Variants in CDH13 observed in about 807,000 individuals in gnomAD.
CDH13 encodes cadherin 13.
In CDH13, 24 loss-of-function variants were observed where a neutral mutation model predicts 63.8. That is an observed-to-expected ratio of 0.38 (90% CI 0.27 to 0.53). The LOEUF is 0.53. Ranked by LOEUF, CDH13 falls within the 20% of genes least tolerant of loss-of-function variation. The probability of loss-of-function intolerance (pLI) is 0.85; values close to 1 mark genes in which losing one functional copy is unlikely to be tolerated. For synonymous variants in CDH13, 503 were observed against 355.3 expected (o/e 1.42, Z -4.67); for missense variants, 1,049 against 903.1 (o/e 1.16, Z -2.07).
At chr16:83,725,070 C>G (rs1412746479) in intron 10 of CDH13, among the ~76,000 whole-genome samples, 4 of 152,146 alleles carry the variant, frequency 2.6e-5, no homozygotes, top group East Asian at 1.9e-4. Context: ...TAAACAGACC[C>G]TTTTAGTATA....
intron 2 of CDH13, among the ~76,000 whole-genome samples, chr16:82,936,318 G>C (rs2042666767): frequency 1.3e-5 from 2 of 152,160 alleles, no homozygotes; most frequent in South Asian, 2.1e-4. Context: ...CCATCTGCCT[G>C]TGTAATTTCT....
chr16:83,473,129 C>G (rs552484227), intron 6 of CDH13, among the ~76,000 whole-genome samples: 19 of 152,290 alleles, frequency 1.2e-4, no homozygotes, highest in Admixed American at 4.6e-4. Context: ...AATAGAGATC[C>G]TTCATCAAGT....
chr16:83,054,392 A>G (rs1198575276), intron 3 of CDH13, among the ~76,000 whole-genome samples: 1 of 152,220 alleles, frequency 6.6e-6, no homozygotes, highest in Non-Finnish European at 1.5e-5. Flanking sequence ...CATTAAGTAA[A>G]ATAAAGCTTA....
chr16:83,296,498 G>C (rs2089601051), intron 5 of CDH13, among the ~76,000 whole-genome samples: 1 of 152,146 alleles, frequency 6.6e-6, no homozygotes, highest in African/African-American at 2.4e-5. Flanking sequence ...TAAGACAGGA[G>C]ACTAGGAAAT....
At chr16:83,039,214 G>C (rs796081655) in intron 3 of CDH13, among the ~76,000 whole-genome samples, 2 of 152,136 alleles carry the variant, frequency 1.3e-5, no homozygotes, top group Admixed American at 6.5e-5. Flanking sequence ...TGATCACTTC[G>C]CTCCTCTGCT....
At chr16:83,101,955 T>A (rs1597338186) in intron 3 of CDH13, among the ~76,000 whole-genome samples, 1 of 152,344 alleles carries the variant, frequency 6.6e-6, no homozygotes, top group East Asian at 1.9e-4. Flanking sequence ...TGTTACCTTA[T>A]ATGGCCAAAT....
chr16:83,071,416 C>G (rs138875442), intron 3 of CDH13, among the ~76,000 whole-genome samples: 112 of 152,300 alleles, frequency 7.4e-4, no homozygotes, highest in African/African-American at 2.5e-3. Flanking sequence ...CAGTTGTAAA[C>G]CTGTGCTCCT....
chr16:83,396,349 T>C (rs1001652278), intron 6 of CDH13, among the ~76,000 whole-genome samples: 1 of 152,214 alleles, frequency 6.6e-6, no homozygotes, highest in African/African-American at 2.4e-5. Flanking sequence ...GGAATGTCAA[T>C]GATCAGCTAT....
rs1491560033 is a variant in CDH13, at chr16:82,700,974, C to CCCG, written c.45+73837_45+73838insCCG. Among the ~76,000 whole-genome samples, 54 of 39,626 alleles carry CCCG rather than the reference C, an allele frequency of 1.4e-3. 2 individuals are homozygous for CCCG. Among genetic ancestry groups the CCCG allele is most frequent in the South Asian group, 3.8e-3 (2 of 532 alleles). The allele number at this position is 39,626 out of a possible 152,430, so 26.0% of individuals were successfully genotyped here. A position where few individuals can be genotyped will look rare whatever the true frequency, so the allele number is the denominator to read the frequency against. On this transcript the variant is annotated intron_variant, in intron 1 of 13. Transcript: ENST00000567109. Reference sequence around the variant, plus strand: ...GAACCCGCCCCCCCCCCCCCCCCCCCGCCCCGGGCATCTCCAAACTGCTGT... The same window carrying CCCG: ...GAACCCGCCCCCCCCCCCCCCCCCCCCCGGCCCCGGGCATCTCCAAACTGCTGT...
chr16:83,787,153 A>G (rs2151016038), intron 13 of CDH13, among the ~76,000 whole-genome samples: 1 of 152,328 alleles, frequency 6.6e-6, no homozygotes, highest in South Asian at 2.1e-4. Flanking sequence ...TATATTGGGC[A>G]TACCATTCTG....
chr16:83,558,753 G>A (rs2075648096), intron 7 of CDH13, among the ~76,000 whole-genome samples: 1 of 152,102 alleles, frequency 6.6e-6, no homozygotes, highest in African/African-American at 2.4e-5. Flanking sequence ...AGTTATGTGG[G>A]CCCTTGTTAT....
At chr16:82,664,955 T>C (rs1912415510) in intron 1 of CDH13, among the ~76,000 whole-genome samples, 1 of 152,230 alleles carries the variant, frequency 6.6e-6, no homozygotes. Flanking sequence ...TCATGAATTC[T>C]GTCTTTGTGA....
chr16:82,896,327 TG>T (rs2041260232), intron 2 of CDH13, among the ~76,000 whole-genome samples: 2 of 142,392 alleles, frequency 1.4e-5, no homozygotes, highest in South Asian at 4.8e-4. Flanking sequence ...GGTCTTCCTC[TG>T]TCTCCCAGGC....
chr16:83,446,218 G>T (rs777183448), intron 6 of CDH13, among the ~76,000 whole-genome samples: 2 of 150,784 alleles, frequency 1.3e-5, no homozygotes, highest in African/African-American at 2.4e-5. Context: ...CAAGAGAATC[G>T]CTTGAACCCA....
intron 5 of CDH13, among the ~76,000 whole-genome samples, chr16:83,245,118 CAA>C (rs34319502): frequency 1.7e-4 from 24 of 143,966 alleles, no homozygotes; most frequent in East Asian, 6.3e-4. Context: ...GGATAGTATG[CAA>C]AAAAAAAAAA....
rs1416854730 is a variant in CDH13, at chr16:83,797,023, G to A, written c.*1993G>A. 1 of 152,176 alleles carries A rather than the reference G, an allele frequency of 6.6e-6. No homozygotes were observed. Among genetic ancestry groups the A allele is most frequent in the Non-Finnish European group, 1.5e-5 (1 of 68,050 alleles). The allele number at this position is 152,176 out of a possible 1,614,324, so 9.4% of individuals were successfully genotyped here. On this transcript the variant is annotated 3_prime_UTR_variant, in exon 14 of 14. Coordinates refer to ENST00000567109, the MANE Select transcript of CDH13 (RefSeq NM_001257.5). ...CACATGCCCCCGACTCAGGGACAGG[G>A]GAATCTAAGCCTGTGCATTCACACT...
At chr16:82,816,908 C>A (rs1490432416) in intron 1 of CDH13, among the ~76,000 whole-genome samples, 1 of 151,730 alleles carries the variant, frequency 6.6e-6, no homozygotes, top group Admixed American at 6.6e-5. Context: ...TGCTTGGTAC[C>A]AAGACTTTAA....
chr16:83,074,207 T>C (rs72796243), intron 3 of CDH13, among the ~76,000 whole-genome samples: 7,668 of 152,264 alleles, frequency 0.05, 284 homozygotes, highest in Non-Finnish European at 0.072. Context: ...TTTCTCCATA[T>C]TTTAGGTCCC....
At chr16:83,241,444 AC>A (rs1904438845) in intron 5 of CDH13, among the ~76,000 whole-genome samples, 2 of 152,284 alleles carry the variant, frequency 1.3e-5, no homozygotes, top group South Asian at 4.1e-4. Context: ...TTATATTCTC[AC>A]CAAGTGTATA....
Sources: gnomAD v4.1 joint callset for allele counts (sites outside exome capture counted in the v4.1 genomes callset) on GRCh38, gnomAD v4.1.1 for gene constraint, MANE v1.5 for transcripts, NCBI Gene and HGNC (gene_info 2026-07-23, HGNC 2026-07-21) for gene names.